The following EYA4 variants were observed in gnomAD, a reference collection of about 807,000 sequenced individuals.
The protein encoded by EYA4 is EYA transcriptional coactivator and phosphatase 4.
Under a neutral mutation model 87.9 loss-of-function variants are expected in EYA4, and 31 were observed. The observed-to-expected ratio is 0.35, with a 90% confidence interval of 0.27 to 0.48. The LOEUF (loss-of-function observed/expected upper bound fraction) is 0.48. Ranked by LOEUF, EYA4 falls within the 20% of genes least tolerant of loss-of-function variation. The pLI is 0.99. For missense variants in EYA4, 678 were observed against 761.4 expected (o/e 0.89, Z 1.29); for synonymous variants, 263 against 270.6 (o/e 0.97, Z 0.28).
At position 133,446,688 on chromosome 6, in the gene EYA4, C is replaced by G. The variant is rs1274319480; in HGVS notation, c.142C>G (p.Pro48Ala). The G allele has an allele frequency of 1.2e-6, 2 of 1,613,674 alleles. No individual in the cohort carries two copies. Among genetic ancestry groups the G allele is most frequent in the East Asian group, 4.5e-5 (2 of 44,866 alleles). Residue 48 changes from proline to alanine, a missense_variant, in exon 4 of 20, where the codon CCA becomes GCA. Transcript: ENST00000355286. ...TACTCTTGTTGGAGGTGGTGATACT[C>G]CAGGTAGCTCCAAACTGGAAAAATC... ...PHTLVGGGDT[P>A]GSSKLEKSNL...
At chr6:133,431,473 A>G (rs375074792) in intron 3 of EYA4, among the ~76,000 whole-genome samples, 86 of 152,390 alleles carry the variant, frequency 5.6e-4, no homozygotes, top group African/African-American at 2.0e-3. Flanking sequence ...GATCTACTAC[A>G]ATAAATAGGT....
chr6:133,363,533 G>C (rs1784616142), intron 2 of EYA4: 1 of 150,828 alleles, frequency 6.6e-6, no homozygotes, highest in South Asian at 2.1e-4. Context: ...GGAGTGCAGT[G>C]GCGCGATCTA....
At chr6:133,503,046 G>T (rs1414500796) in intron 13 of EYA4, among the ~76,000 whole-genome samples, 3 of 152,164 alleles carry the variant, frequency 2.0e-5, no homozygotes, top group African/African-American at 7.2e-5. Context: ...GTGCCGTGGG[G>T]TTGCATTCCA....
At chr6:133,336,212 G>A (rs935110561) in intron 2 of EYA4, among the ~76,000 whole-genome samples, 3 of 152,128 alleles carry the variant, frequency 2.0e-5, no homozygotes, top group Non-Finnish European at 4.4e-5. Context: ...ATATAGTCCT[G>A]TGGTGCCAAA....
At chr6:133,401,621 C>A (rs1788270737) in intron 3 of EYA4, among the ~76,000 whole-genome samples, 1 of 152,098 alleles carries the variant, frequency 6.6e-6, no homozygotes, top group South Asian at 2.1e-4. Context: ...TTACTAACAT[C>A]TAAGTTTCAT....
At chr6:133,389,055 C>A (rs945464308) in intron 3 of EYA4, among the ~76,000 whole-genome samples, 1 of 152,082 alleles carries the variant, frequency 6.6e-6, no homozygotes, top group African/African-American at 2.4e-5. Flanking sequence ...TTCTCCTTTC[C>A]CCTCCCACCT....
intron 17 of EYA4, among the ~76,000 whole-genome samples, chr6:133,518,744 A>T (rs1213073286): frequency 6.6e-6 from 1 of 152,180 alleles, no homozygotes; most frequent in Non-Finnish European, 1.5e-5. Context: ...ACATACTTGG[A>T]AGTAAAGCTC....
At chr6:133,350,940 T>C (rs914632822) in intron 2 of EYA4, among the ~76,000 whole-genome samples, 3 of 152,108 alleles carry the variant, frequency 2.0e-5, no homozygotes, top group African/African-American at 7.3e-5. Flanking sequence ...CTTCAGATTA[T>C]ATTATCTCTG....
chr6:133,441,413 G>A (rs1360725581), intron 3 of EYA4, among the ~76,000 whole-genome samples: 1 of 152,098 alleles, frequency 6.6e-6, no homozygotes, highest in Non-Finnish European at 1.5e-5. Flanking sequence ...AAAAGAAATG[G>A]CACTCGAATA....
rs71003632 is a variant in EYA4 at position 133,294,062 on chromosome 6, T to TATATATATATATATAAAA, written c.33+19250_33+19251insTATATATATATATAAAAA. The stretch of plus-strand genomic sequence containing the variant: ...ATATATATATATATATATATATATA[T>TATATATATATATATAAAA]AATTCTATTCTATATATAACATTCT... On this transcript the variant is annotated intron_variant, in intron 2 of 19. Transcript: ENST00000355286. Among the ~76,000 whole-genome samples the TATATATATATATATAAAA allele has an allele frequency of 3.3e-3, 349 of 105,052 alleles. 12 individuals are homozygous for TATATATATATATATAAAA. The highest frequency in any genetic ancestry group is 4.4e-3 in the Non-Finnish European group (214 of 48,416). The allele number at this position is 105,052 out of a possible 152,430, so 68.9% of individuals were successfully genotyped here.
At chr6:133,329,129 A>AAGGGT in intron 2 of EYA4, among the ~76,000 whole-genome samples, 1 of 152,214 alleles carries the variant, frequency 6.6e-6, no homozygotes, top group South Asian at 2.1e-4. Context: ...GGTGTCAACA[A>AAGGGT]CAATTAATTC....
At chr6:133,437,039 C>A (rs966266701) in intron 3 of EYA4, among the ~76,000 whole-genome samples, 1 of 152,116 alleles carries the variant, frequency 6.6e-6, no homozygotes, top group African/African-American at 2.4e-5. Context: ...AAACTAGTTG[C>A]ATGTCTTTAC....
At chr6:133,318,732 A>C (rs1582941405) in intron 2 of EYA4, among the ~76,000 whole-genome samples, 1 of 151,092 alleles carries the variant, frequency 6.6e-6, no homozygotes, top group South Asian at 2.1e-4. Context: ...GCCTCTATAG[A>C]TGTTGCTGAC....
At chr6:133,268,070 A>G (rs1776372526) in intron 1 of EYA4, among the ~76,000 whole-genome samples, 1 of 152,200 alleles carries the variant, frequency 6.6e-6, no homozygotes, top group Non-Finnish European at 1.5e-5. Context: ...CTTATTGCTC[A>G]GATTTATGTA....
intron 11 of EYA4, among the ~76,000 whole-genome samples, chr6:133,479,530 G>A (rs1013877808): frequency 5.9e-5 from 9 of 151,942 alleles, no homozygotes; most frequent in Admixed American, 1.3e-4. Flanking sequence ...GTTCAGATTT[G>A]TTTATTTAGA....
intron 7 of EYA4, 23 bp downstream of exon 7, chr6:133,461,203 CT>C (rs1337101843): frequency 1.3e-6 from 2 of 1,559,508 alleles, no homozygotes; most frequent in Non-Finnish European, 8.8e-7. Context: ...TAGATTCTTG[CT>C]TTAAATTGGC....
intron 3 of EYA4, among the ~76,000 whole-genome samples, chr6:133,394,316 T>C (rs1373989417): frequency 1.9e-5 from 2 of 105,626 alleles, no homozygotes; most frequent in Non-Finnish European, 4.3e-5. Flanking sequence ...TTTTTTTTTT[T>C]TTGGTCATCG....
chr6:133,480,042 T>A (rs1225852773), intron 11 of EYA4, among the ~76,000 whole-genome samples: 1 of 152,210 alleles, frequency 6.6e-6, no homozygotes, highest in East Asian at 1.9e-4. Flanking sequence ...TAGGTTTATA[T>A]GTGAGTCATC....
intron 2 of EYA4, among the ~76,000 whole-genome samples, chr6:133,341,771 G>A (rs546998419): frequency 1.1e-4 from 16 of 152,074 alleles, no homozygotes; most frequent in African/African-American, 3.6e-4. Context: ...TAATGGGGAC[G>A]GTGGCTTTAA....
Sources: gnomAD v4.1 joint callset for allele counts (sites outside exome capture counted in the v4.1 genomes callset) on GRCh38, gnomAD v4.1.1 for gene constraint, MANE v1.5 for transcripts, NCBI Gene and HGNC (gene_info 2026-07-23, HGNC 2026-07-21) for gene names.